The following FRAS1 variants were observed in gnomAD, a reference collection of about 807,000 sequenced individuals.
The protein encoded by FRAS1 is extracellular matrix organizing protein FRAS1.
A neutral mutation model predicts 435.2 loss-of-function variants in FRAS1; 290 were observed. The ratio of observed to expected loss-of-function variants is 0.67; its 90% CI spans 0.61 to 0.73. FRAS1 has a LOEUF of 0.73. Among genes scored for constraint, FRAS1 ranks in the 30% least tolerant of loss-of-function variants. The probability of loss-of-function intolerance (pLI) is 0.00; values close to 1 mark genes in which losing one functional copy is unlikely to be tolerated. For synonymous variants in FRAS1, 1,800 were observed against 1,851.0 expected (o/e 0.97, Z 0.71); for missense variants, 4,860 against 5,001.5 (o/e 0.97, Z 0.85).
At chr4:78,138,687 C>T (rs548066801) in intron 2 of FRAS1, among the ~76,000 whole-genome samples, 1 of 152,102 alleles carries the variant, frequency 6.6e-6, no homozygotes, top group Non-Finnish European at 1.5e-5. Context: ...AGTATCTCTC[C>T]CCTAGGGTTG....
intron 47 of FRAS1, among the ~76,000 whole-genome samples, chr4:78,460,426 A>G (rs1334003136): frequency 2.6e-5 from 4 of 152,244 alleles, no homozygotes; most frequent in Non-Finnish European, 5.9e-5. Context: ...CTGCTGTGAC[A>G]GCGGTAGGGA....
At chr4:78,298,964 A>G (rs2110204286) in intron 14 of FRAS1, among the ~76,000 whole-genome samples, 1 of 152,360 alleles carries the variant, frequency 6.6e-6, no homozygotes, top group East Asian at 1.9e-4. Flanking sequence ...AACATGCTGC[A>G]GGAACATAGA....
intron 2 of FRAS1, among the ~76,000 whole-genome samples, chr4:78,105,012 T>C (rs1742320829): frequency 6.6e-6 from 1 of 152,188 alleles, no homozygotes; most frequent in African/African-American, 2.4e-5. Context: ...TCATATTCAT[T>C]AGTAGTTTGG....
intron 12 of FRAS1, among the ~76,000 whole-genome samples, chr4:78,283,342 A>G (rs569380331): frequency 4.7e-4 from 71 of 152,326 alleles, no homozygotes; most frequent in Non-Finnish European, 8.8e-4. Flanking sequence ...AACATTTGTT[A>G]TGGGTGTTCT....
intron 47 of FRAS1, among the ~76,000 whole-genome samples, chr4:78,457,931 A>G (rs1050156428): frequency 1.3e-5 from 2 of 152,238 alleles, no homozygotes; most frequent in African/African-American, 4.8e-5. Flanking sequence ...GGAAGTGGAC[A>G]TTTTGTCCAG....
At chr4:78,302,691 T>A (rs1180213947) in intron 14 of FRAS1, among the ~76,000 whole-genome samples, 2 of 151,302 alleles carry the variant, frequency 1.3e-5, no homozygotes, top group Non-Finnish European at 2.9e-5. Flanking sequence ...CACCCACTTT[T>A]TGATGGGGTT....
chr4:78,288,532 A>C (rs1727726807), intron 14 of FRAS1, among the ~76,000 whole-genome samples: 1 of 152,204 alleles, frequency 6.6e-6, no homozygotes, highest in Non-Finnish European at 1.5e-5. Context: ...TTAGTGGTTT[A>C]CGTAGCTCAC....
At chr4:78,182,802 C>T (rs112154283) in intron 2 of FRAS1, among the ~76,000 whole-genome samples, 3,157 of 151,246 alleles carry the variant, frequency 0.021, 94 homozygotes, top group African/African-American at 0.065. Flanking sequence ...ATTGCTGGAA[C>T]CCAGGAGGCA....
rs766027396 is a variant in FRAS1 at position 78,337,766 on chromosome 4, A to AGGACCAGCTGCAGGGAAGAGCAGT, written c.2372_2395dup (p.Gln798_Phe799insTrpThrSerCysArgGluGluGln). 2 of 1,613,830 alleles carry AGGACCAGCTGCAGGGAAGAGCAGT rather than the reference A, an allele frequency of 1.2e-6. No homozygotes were observed. The highest frequency in any genetic ancestry group is 8.5e-7 in the Non-Finnish European group (1 of 1,179,856). ...CATCTCTCTTACCAATGGTAACTGC[A>AGGACCAGCTGCAGGGAAGAGCAGT]GGACCAGCTGCAGGGAAGAGCAGTT... On this transcript the variant is annotated inframe_insertion, in exon 20 of 74. Coordinates refer to ENST00000512123, the MANE Select transcript of FRAS1 (RefSeq NM_025074.7).
At chr4:78,066,514 G>A (rs778856629) in intron 2 of FRAS1, among the ~76,000 whole-genome samples, 1 of 152,092 alleles carries the variant, frequency 6.6e-6, no homozygotes, top group African/African-American at 2.4e-5. Context: ...TGCCATATAG[G>A]GTAAAATTGA....
In FRAS1 at chr4:78,258,100, G is replaced by C. The variant is rs567489142; in HGVS notation, c.603+2725G>C. The stretch of plus-strand genomic sequence containing the variant: ...TCATGCTTGTGATCCCAGCACTTTG[G>C]GAAGCCTACAGGGGTGAATTGCTTG... On this transcript the variant is annotated intron_variant, in intron 6 of 73. Transcript: ENST00000512123. Among the ~76,000 whole-genome samples, 29 of 152,240 alleles carry C rather than the reference G, an allele frequency of 1.9e-4. 1 individual carries two copies. In the South Asian group the frequency reaches 6.0e-3, roughly 32 times the overall value.
intron 2 of FRAS1, among the ~76,000 whole-genome samples, chr4:78,117,907 T>A (rs1718742768): frequency 6.6e-6 from 1 of 152,254 alleles, no homozygotes; most frequent in Admixed American, 6.5e-5. Context: ...AGAGGTTGTC[T>A]GATTTTTAGA....
intron 1 of FRAS1, among the ~76,000 whole-genome samples, chr4:78,058,942 G>T (rs1020548206): frequency 2.6e-5 from 4 of 152,254 alleles, no homozygotes; most frequent in Non-Finnish European, 5.9e-5. Context: ...AGGAGCCAGG[G>T]AAGTCGCCCC....
At chr4:78,142,697 T>C (rs1006426785) in intron 2 of FRAS1, among the ~76,000 whole-genome samples, 1 of 152,170 alleles carries the variant, frequency 6.6e-6, no homozygotes, top group African/African-American at 2.4e-5. Flanking sequence ...ATATGCAACA[T>C]TAAAATACAC....
chr4:78,271,268 T>C (rs1319653942), intron 9 of FRAS1, among the ~76,000 whole-genome samples: 1 of 26,164 alleles, frequency 3.8e-5, no homozygotes, highest in Non-Finnish European at 1.4e-4. Flanking sequence ...AGAGAAACAT[T>C]ACCATTCTTT....
chr4:78,284,714 A>T (rs1727500348), intron 13 of FRAS1, among the ~76,000 whole-genome samples, 166 bp downstream of exon 13: 3 of 152,168 alleles, frequency 2.0e-5, no homozygotes, highest in Admixed American at 2.0e-4. Context: ...TAGTAATGTC[A>T]TCTATAGGTT....
At chr4:78,381,206 A>G (rs55866514) in intron 27 of FRAS1, among the ~76,000 whole-genome samples, 36,814 of 152,188 alleles carry the variant, frequency 0.24, 4,843 homozygotes, top group Admixed American at 0.31. Flanking sequence ...CACTTCATAG[A>G]GAAGTATTGC....
chr4:78,314,881 A>G (rs1485607774), intron 15 of FRAS1, among the ~76,000 whole-genome samples: 1 of 151,556 alleles, frequency 6.6e-6, no homozygotes, highest in Non-Finnish European at 1.5e-5. Flanking sequence ...TTTTTTTTGA[A>G]TTTTCATTGT....
At position 78,233,754 on chromosome 4, in the gene FRAS1, G is replaced by T. The variant is rs185933291; in HGVS notation, c.109-3756G>T. On this transcript the variant is annotated intron_variant, in intron 2 of 73. Coordinates refer to ENST00000512123, the MANE Select transcript of FRAS1 (RefSeq NM_025074.7). ...TCAATAACAAACTCAGTTAATAAATGGTGTCACCAGGATTCAAACCTAGTC... is the reference window on the plus strand; with the variant it reads ...TCAATAACAAACTCAGTTAATAAATTGTGTCACCAGGATTCAAACCTAGTC... Among the ~76,000 whole-genome samples, 4 of 152,272 alleles carry T rather than the reference G, an allele frequency of 2.6e-5. No homozygotes were observed. The East Asian group carries it at 5.8e-4, about 22-fold the overall frequency.
Sources: gnomAD v4.1 joint callset for allele counts (sites outside exome capture counted in the v4.1 genomes callset) on GRCh38, gnomAD v4.1.1 for gene constraint, MANE v1.5 for transcripts, NCBI Gene and HGNC (gene_info 2026-07-23, HGNC 2026-07-21) for gene names.